SRBD1: variants seen among roughly 807,000 people sequenced by gnomAD.
SRBD1 encodes S1 RNA-binding domain-containing protein 1.
In SRBD1, 88 loss-of-function variants were observed where a neutral mutation model predicts 115.3. The ratio of observed to expected loss-of-function variants is 0.76; its 90% confidence interval spans 0.64 to 0.91. The LOEUF is 0.91. Ranked by LOEUF, SRBD1 falls within the 40% of genes least tolerant of loss-of-function variation. The pLI is 0.00. For synonymous variants in SRBD1, 509 were observed against 407.7 expected, an observed-to-expected ratio of 1.25 and a Z score of -2.99; for missense variants, 1,385 against 1,177.4, an observed-to-expected ratio of 1.18 and a Z score of -2.58.
intron 4 of SRBD1, among the ~76,000 whole-genome samples, chr2:45,586,843 G>A (rs1349171921): frequency 7.1e-6 from 1 of 141,472 alleles, no homozygotes; most frequent in African/African-American, 2.7e-5. Flanking sequence ...CACCGAAACA[G>A]GCAATTAATT....
intron 14 of SRBD1, among the ~76,000 whole-genome samples, chr2:45,524,698 T>C (rs1188940393): frequency 6.6e-6 from 1 of 151,978 alleles, no homozygotes; most frequent in East Asian, 1.9e-4. Flanking sequence ...AGACTTAAGA[T>C]TGTAAAAAGG....
chr2:45,417,912 G>C (rs1159652869), intron 18 of SRBD1, among the ~76,000 whole-genome samples: 1 of 152,190 alleles, frequency 6.6e-6, no homozygotes, highest in African/African-American at 2.4e-5. Flanking sequence ...ATACACCAAA[G>C]TTGGTCCTGC....
At chr2:45,449,158 T>C (rs1424558503) in intron 16 of SRBD1, among the ~76,000 whole-genome samples, 1 of 152,206 alleles carries the variant, frequency 6.6e-6, no homozygotes, top group African/African-American at 2.4e-5. Context: ...TGATTATAGG[T>C]AACACTATAA....
chr2:45,421,063 A>C (rs1334925764), intron 16 of SRBD1, among the ~76,000 whole-genome samples: 1 of 152,200 alleles, frequency 6.6e-6, no homozygotes, highest in African/African-American at 2.4e-5. Context: ...TGGTTTGTTA[A>C]CTAAAACAGT....
At chr2:45,549,888 TAAC>T (rs1283919269) in intron 12 of SRBD1, among the ~76,000 whole-genome samples, 1 of 151,130 alleles carries the variant, frequency 6.6e-6, no homozygotes, top group East Asian at 1.9e-4. Context: ...AATAAAAGAA[TAAC>T]ATAAGTCAAA....
At chr2:45,429,324 C>T (rs896995367) in intron 16 of SRBD1, among the ~76,000 whole-genome samples, 1 of 152,056 alleles carries the variant, frequency 6.6e-6, no homozygotes, top group African/African-American at 2.4e-5. Context: ...GATACCAAAA[C>T]CTGGCAGAAA....
chr2:45,546,991 C>A (rs1329154406), intron 13 of SRBD1, 152 bp from the exon 14 acceptor site: 7 of 717,488 alleles, frequency 9.8e-6, no homozygotes, highest in Non-Finnish European at 1.7e-5. Context: ...AAGGAAAACA[C>A]AGACTTATAT....
intron 16 of SRBD1, among the ~76,000 whole-genome samples, chr2:45,442,372 A>T (rs1230704243): frequency 6.6e-6 from 1 of 152,206 alleles, no homozygotes; most frequent in Admixed American, 6.5e-5. Flanking sequence ...GCCTTTAGAC[A>T]TAATCTTTTC....
At chr2:45,505,074 C>T (rs1052403483) in intron 14 of SRBD1, among the ~76,000 whole-genome samples, 19 of 152,128 alleles carry the variant, frequency 1.2e-4, no homozygotes, top group African/African-American at 4.3e-4. Context: ...CTACACAAAA[C>T]CTGTGGTGCA....
rs180959975 is a variant in SRBD1 at position 45,603,516 on chromosome 2, G to A, written c.81-1433C>T. 3.3e-5 allele frequency among the ~76,000 whole-genome samples: 5 copies of A among 152,126 alleles called. No individual in the cohort carries two copies. In the East Asian group the frequency reaches 9.7e-4, roughly 29 times the overall value. Reference sequence around the variant, plus strand: ...GTAATCTTGTATTTTCTCGATACAGGAATCTATATTTTATTTTTATTTATT... The same window carrying A: ...GTAATCTTGTATTTTCTCGATACAGAAATCTATATTTTATTTTTATTTATT... On this transcript the variant is annotated intron_variant, in intron 2 of 20. Coordinates refer to ENST00000263736, the MANE Select transcript of SRBD1 (RefSeq NM_018079.5).
At chr2:45,532,970 T>G (rs1671657955) in intron 14 of SRBD1, among the ~76,000 whole-genome samples, 1 of 151,846 alleles carries the variant, frequency 6.6e-6, no homozygotes, top group African/African-American at 2.4e-5. Context: ...GCAACTAAAA[T>G]CAGAGAGAGA....
intron 13 of SRBD1, among the ~76,000 whole-genome samples, 178 bp from the exon 14 acceptor site, chr2:45,547,017 G>T (rs1672142498): frequency 6.6e-6 from 1 of 152,158 alleles, no homozygotes; most frequent in Admixed American, 6.5e-5. Context: ...AAAAGACACT[G>T]CCCTGCATTT....
chr2:45,541,833 A>T (rs1671950283), intron 14 of SRBD1, among the ~76,000 whole-genome samples: 1 of 152,236 alleles, frequency 6.6e-6, no homozygotes, highest in Admixed American at 6.5e-5. Flanking sequence ...AGTCTGGCTG[A>T]GTCCAGGGTT....
intron 14 of SRBD1, among the ~76,000 whole-genome samples, chr2:45,511,457 G>C (rs1670966649): frequency 6.6e-6 from 1 of 152,134 alleles, no homozygotes; most frequent in South Asian, 2.1e-4. Context: ...GAGTGTTCAT[G>C]AACTTCCCCC....
intron 16 of SRBD1, among the ~76,000 whole-genome samples, chr2:45,429,455 T>C (rs1296242178): frequency 1.3e-5 from 2 of 151,092 alleles, no homozygotes; most frequent in Admixed American, 6.6e-5. Flanking sequence ...CGAGATCAAG[T>C]TGGCTTCATC....
At chr2:45,401,639 C>T (rs888047802) in intron 19 of SRBD1, among the ~76,000 whole-genome samples, 1 of 152,162 alleles carries the variant, frequency 6.6e-6, no homozygotes, top group African/African-American at 2.4e-5. Flanking sequence ...CACAAAGGAA[C>T]GTGTTTTTAT....
intron 20 of SRBD1, among the ~76,000 whole-genome samples, chr2:45,391,447 GT>G (rs1424363168): frequency 1.3e-5 from 2 of 152,128 alleles, no homozygotes; most frequent in Non-Finnish European, 2.9e-5. Context: ...GAAAAGAGAT[GT>G]AACATAAAAT....
chr2:45,467,271 AC>A (rs1484122625), intron 16 of SRBD1, among the ~76,000 whole-genome samples: 1 of 152,136 alleles, frequency 6.6e-6, no homozygotes, highest in Non-Finnish European at 1.5e-5. Flanking sequence ...TGTGGGGCCC[AC>A]CCCCAGACCA....
chr2:45,572,486 A>G (rs1673050033), intron 9 of SRBD1, among the ~76,000 whole-genome samples: 1 of 152,116 alleles, frequency 6.6e-6, no homozygotes, highest in Non-Finnish European at 1.5e-5. Context: ...AAAAAGGAGA[A>G]ATTAAGATTT....
Sources: gnomAD v4.1 joint callset for allele counts (sites outside exome capture counted in the v4.1 genomes callset) on GRCh38, gnomAD v4.1.1 for gene constraint, MANE v1.5 for transcripts, NCBI Gene and HGNC (gene_info 2026-07-23, HGNC 2026-07-21) for gene names.